Variants in KCTD8 observed in about 807,000 individuals in gnomAD.
The protein encoded by KCTD8 is potassium channel tetramerization domain containing 8.
Under a neutral mutation model 31.5 loss-of-function variants are expected in KCTD8, and 27 were observed. The observed-to-expected ratio is 0.86, with a 90% CI of 0.63 to 1.18. The LOEUF (loss-of-function observed/expected upper bound fraction) is 1.18. Ranked by LOEUF, KCTD8 falls within the 50% of genes most tolerant of loss-of-function variation. KCTD8 has a pLI of 0.00. For synonymous variants in KCTD8, 290 were observed against 280.0 expected (o/e 1.04, Z -0.36); for missense variants, 658 against 647.7 (o/e 1.02, Z -0.17).
chr4:44,216,045 A>T (rs2109345737), intron 1 of KCTD8, among the ~76,000 whole-genome samples: 1 of 152,322 alleles, frequency 6.6e-6, no homozygotes, highest in Admixed American at 6.5e-5. Context: ...AATGAAAGAA[A>T]GTAGCATAGT....
intron 1 of KCTD8, among the ~76,000 whole-genome samples, chr4:44,347,504 G>T (rs1719064529): frequency 6.6e-6 from 1 of 152,192 alleles, no homozygotes. Flanking sequence ...TCCTGGAAGA[G>T]GAGTTCCATG....
chr4:44,373,540 G>A (rs533302075), intron 1 of KCTD8, among the ~76,000 whole-genome samples: 26 of 152,154 alleles, frequency 1.7e-4, no homozygotes, highest in Middle Eastern at 6.8e-3. Flanking sequence ...GTGTCATTAT[G>A]CAGATAAAAT....
chr4:44,393,099 C>T (rs1398712895), intron 1 of KCTD8, among the ~76,000 whole-genome samples: 1 of 151,934 alleles, frequency 6.6e-6, no homozygotes, highest in African/African-American at 2.4e-5. Flanking sequence ...AATACTGTGA[C>T]AATAGCAGAG....
chr4:44,319,003 T>C (rs1351173808), intron 1 of KCTD8, among the ~76,000 whole-genome samples: 1 of 152,098 alleles, frequency 6.6e-6, no homozygotes, highest in Non-Finnish European at 1.5e-5. Context: ...AGGCAAAAAA[T>C]GAAGGATGCG....
Position 44,336,528 on chromosome 4 carries a change from G to A in KCTD8, c.961+111035C>T, listed in dbSNP as rs141417597. ...AGGCACCTGTATCAAAATTAAAATC[G>A]AAAAATGTTATTTCAGGTTTACAAA... On this transcript the variant is annotated intron_variant, in intron 1 of 1. Transcript: ENST00000360029. 3.0e-3 allele frequency among the ~76,000 whole-genome samples: 451 copies of A among 151,942 alleles called. 4 individuals carry two copies. Among genetic ancestry groups the A allele is most frequent in the African/African-American group, 0.01 (417 of 41,446 alleles).
intron 1 of KCTD8, among the ~76,000 whole-genome samples, chr4:44,177,650 T>C (rs1337130922): frequency 6.6e-6 from 1 of 152,154 alleles, no homozygotes; most frequent in Non-Finnish European, 1.5e-5. Context: ...CCTGCTGCCA[T>C]CCATGTAAGA....
intron 1 of KCTD8, among the ~76,000 whole-genome samples, chr4:44,338,607 G>A (rs940328558): frequency 6.6e-6 from 1 of 152,174 alleles, no homozygotes; most frequent in Non-Finnish European, 1.5e-5. Context: ...GGATGTGTGC[G>A]TGAGTGATAC....
rs961959921 is a variant in KCTD8, at chr4:44,180,060, T to C, written c.962-4810A>G. On this transcript the variant is annotated intron_variant, in intron 1 of 1. Transcript: ENST00000360029. ...AATTTAAATATCACCAACTAGTGAA[T>C]ATATGGGAACAACATGACTATTAGA... Among the ~76,000 whole-genome samples, 3 of 152,196 alleles carry C rather than the reference T, an allele frequency of 2.0e-5. No homozygotes were observed. The South Asian group carries it at 6.2e-4, about 32-fold the overall frequency.
intron 1 of KCTD8, among the ~76,000 whole-genome samples, chr4:44,374,855 A>T (rs1003013753): frequency 1.3e-5 from 2 of 152,192 alleles, no homozygotes; most frequent in African/African-American, 4.8e-5. Context: ...CATAACAGAT[A>T]TAATAACAAT....
At chr4:44,440,935 CTT>C (rs1161573871) in intron 1 of KCTD8, among the ~76,000 whole-genome samples, 3 of 152,132 alleles carry the variant, frequency 2.0e-5, no homozygotes, top group Non-Finnish European at 4.4e-5. Context: ...AGGGAATAAA[CTT>C]ATAAATGATA....
At chr4:44,262,850 C>A (rs1209296870) in intron 1 of KCTD8, among the ~76,000 whole-genome samples, 1 of 152,042 alleles carries the variant, frequency 6.6e-6, no homozygotes, top group Non-Finnish European at 1.5e-5. Flanking sequence ...ACAGCATATT[C>A]AAAAATTAAT....
At chr4:44,299,990 A>G (rs1032657726) in intron 1 of KCTD8, among the ~76,000 whole-genome samples, 1 of 151,738 alleles carries the variant, frequency 6.6e-6, no homozygotes, top group African/African-American at 2.4e-5. Context: ...TGACCTCGTG[A>G]CCACCCGCCT....
chr4:44,253,392 G>A (rs1295111677), intron 1 of KCTD8, among the ~76,000 whole-genome samples: 1 of 151,608 alleles, frequency 6.6e-6, no homozygotes, highest in Non-Finnish European at 1.5e-5. Context: ...ATTTGTCTCT[G>A]GTGGATTAAA....
chr4:44,309,684 C>T (rs1327597099), intron 1 of KCTD8, among the ~76,000 whole-genome samples: 2 of 151,862 alleles, frequency 1.3e-5, no homozygotes, highest in South Asian at 2.1e-4. Context: ...ATTTAGAATA[C>T]ATTAGAGAGA....
At chr4:44,182,332 T>G (rs1226728166) in intron 1 of KCTD8, among the ~76,000 whole-genome samples, 1 of 152,106 alleles carries the variant, frequency 6.6e-6, no homozygotes, top group Non-Finnish European at 1.5e-5. Flanking sequence ...AAGATGGCGG[T>G]TTTGTGGAAT....
Position 44,272,601 on chromosome 4 carries a change from ACT to A in KCTD8, c.962-97353_962-97352del, listed in dbSNP as rs1419918255. Among the ~76,000 whole-genome samples the A allele has an allele frequency of 3.3e-5, 5 of 152,196 alleles. No homozygotes were observed. The East Asian group carries it at 9.7e-4, about 29-fold the overall frequency. On this transcript the variant is annotated intron_variant, in intron 1 of 1. Coordinates refer to ENST00000360029, the MANE Select transcript of KCTD8 (RefSeq NM_198353.3). ...CTTAAAGAATTTTTGGTAACAATAA[ACT>A]CTCACACATCCGTGGAGTAGGTGCA...
intron 1 of KCTD8, among the ~76,000 whole-genome samples, chr4:44,390,919 C>T (rs1357375987): frequency 6.6e-6 from 1 of 151,880 alleles, no homozygotes; most frequent in Non-Finnish European, 1.5e-5. Flanking sequence ...CCATTTGATC[C>T]AGAAATCCCA....
chr4:44,212,382 C>A (rs1241209962), intron 1 of KCTD8, among the ~76,000 whole-genome samples: 1 of 152,150 alleles, frequency 6.6e-6, no homozygotes, highest in African/African-American at 2.4e-5. Flanking sequence ...ACTACAGTCA[C>A]CCCTTAGTAT....
In KCTD8 at chr4:44,248,318, A is replaced by AT. The variant is rs953893823; in HGVS notation, c.962-73069dup. Among the ~76,000 whole-genome samples the AT allele has an allele frequency of 8.9e-4, 133 of 148,742 alleles. No individual in the cohort carries two copies. In the East Asian group the frequency reaches 0.014, roughly 15 times the overall value. ...ATTTAAACTTAATCAGAAATCCTGT[A>AT]TTTTTTTTTTCTGGCAATCCCAACA... On this transcript the variant is annotated intron_variant, in intron 1 of 1. Coordinates refer to ENST00000360029, the MANE Select transcript of KCTD8 (RefSeq NM_198353.3).
Sources: gnomAD v4.1 joint callset for allele counts (sites outside exome capture counted in the v4.1 genomes callset) on GRCh38, gnomAD v4.1.1 for gene constraint, MANE v1.5 for transcripts, NCBI Gene and HGNC (gene_info 2026-07-23, HGNC 2026-07-21) for gene names.